TLE4: variants seen among roughly 807,000 people sequenced by gnomAD.
The protein encoded by TLE4 is transducin-like enhancer protein 4.
A neutral mutation model predicts 92.8 loss-of-function variants in TLE4; 8 were observed. The ratio of observed to expected loss-of-function variants is 0.09; its 90% confidence interval spans 0.05 to 0.16. The LOEUF (loss-of-function observed/expected upper bound fraction) is 0.16, where lower values mean the gene tolerates loss of function less well. TLE4 is among the 10% of genes least tolerant of loss of function. The pLI is 1.00. For missense variants in TLE4, 675 were observed against 997.6 expected (o/e 0.68, Z 4.36); for synonymous variants, 371 against 374.1 (o/e 0.99, Z 0.10).
At chr9:79,595,011 CA>C (rs2043604029) in intron 4 of TLE4, among the ~76,000 whole-genome samples, 1 of 152,138 alleles carries the variant, frequency 6.6e-6, no homozygotes, top group Admixed American at 6.5e-5. Context: ...TGCTGCAGCT[CA>C]ATCTCACATT....
At chr9:79,654,532 T>C (rs2059496900) in intron 8 of TLE4, among the ~76,000 whole-genome samples, 1 of 152,106 alleles carries the variant, frequency 6.6e-6, no homozygotes, top group Non-Finnish European at 1.5e-5. Flanking sequence ...TAATTTTCTC[T>C]TTTAAATTTA....
chr9:79,716,653 C>T (rs553044665), intron 14 of TLE4, among the ~76,000 whole-genome samples: 5 of 152,306 alleles, frequency 3.3e-5, no homozygotes, highest in African/African-American at 9.6e-5. Context: ...TTGCCATATT[C>T]CTAATCATCA....
chr9:79,605,844 T>TA (rs1461695253), intron 4 of TLE4, among the ~76,000 whole-genome samples: 2 of 152,098 alleles, frequency 1.3e-5, no homozygotes, highest in Non-Finnish European at 2.9e-5. Context: ...ATAGCATAAA[T>TA]ATGAGTTCAA....
chr9:79,578,259 C>G (rs1383879129), intron 4 of TLE4, among the ~76,000 whole-genome samples: 1 of 152,172 alleles, frequency 6.6e-6, no homozygotes, highest in African/African-American at 2.4e-5. Context: ...GCCTAGTTCT[C>G]AAGATCGGGT....
intron 8 of TLE4, among the ~76,000 whole-genome samples, chr9:79,682,518 C>A (rs2064937653): frequency 6.6e-6 from 1 of 152,104 alleles, no homozygotes; most frequent in East Asian, 1.9e-4. Context: ...CAGCTTTGAG[C>A]CTTCCTGCAT....
intron 4 of TLE4, among the ~76,000 whole-genome samples, chr9:79,606,431 G>A (rs1468147226): frequency 1.3e-5 from 2 of 149,208 alleles, no homozygotes; most frequent in Non-Finnish European, 3.0e-5. Context: ...ACAACGTGCA[G>A]GTTTGTTACA....
At chr9:79,604,728 G>C (rs983406795) in intron 4 of TLE4, among the ~76,000 whole-genome samples, 8 of 152,138 alleles carry the variant, frequency 5.3e-5, no homozygotes, top group Non-Finnish European at 1.0e-4. Flanking sequence ...CCTGAAGGTA[G>C]GCATCCTTGA....
intron 8 of TLE4, among the ~76,000 whole-genome samples, chr9:79,696,609 GA>G (rs35548150): frequency 6.6e-6 from 1 of 150,864 alleles, no homozygotes; most frequent in African/African-American, 2.4e-5. Context: ...ACACTCTTTG[GA>G]AAAAAAAGTT....
intron 6 of TLE4, among the ~76,000 whole-genome samples, chr9:79,630,813 G>A (rs1379080360): frequency 6.6e-6 from 1 of 152,072 alleles, no homozygotes; most frequent in African/African-American, 2.4e-5. Flanking sequence ...GCTTAATAAA[G>A]GAGGCTGACT....
chr9:79,649,913 T>A, intron 6 of TLE4: 1 of 1,327,798 alleles, frequency 7.5e-7, no homozygotes, highest in Non-Finnish European at 9.9e-7. Flanking sequence ...TTTTTTGTTT[T>A]TTGTTTTTTG....
Position 79,592,580 on chromosome 9 carries a change from G to A in TLE4, c.252+16403G>A, listed in dbSNP as rs567053867. On this transcript the variant is annotated intron_variant, in intron 4 of 19. Transcript: ENST00000376552. ...TCACAGGGGTGAGCCACTGTGCCCA[G>A]CCAGAGATAGTTTCTGTCATTTTGC... is the stretch of plus-strand genomic sequence containing the variant. Among the ~76,000 whole-genome samples, 59 of 152,166 alleles carry A rather than the reference G, an allele frequency of 3.9e-4. 1 individual carries two copies. The South Asian group carries it at 0.012, about 31-fold the overall frequency.
intron 8 of TLE4, among the ~76,000 whole-genome samples, chr9:79,680,352 C>T (rs1353090559): frequency 1.3e-5 from 2 of 152,078 alleles, no homozygotes; most frequent in African/African-American, 2.4e-5. Flanking sequence ...AAGTTGGATT[C>T]CTAGGTATTT....
At chr9:79,606,785 A>G (rs1215052296) in intron 4 of TLE4, among the ~76,000 whole-genome samples, 1 of 152,170 alleles carries the variant, frequency 6.6e-6, no homozygotes, top group African/African-American at 2.4e-5. Context: ...ATTGATGGAC[A>G]TTTGGATTGG....
chr9:79,722,336 A>G, intron 17 of TLE4, 115 bp from the exon 18 acceptor site: 1 of 1,298,898 alleles, frequency 7.7e-7, no homozygotes, highest in Admixed American at 2.7e-5. Context: ...GTACAATTCA[A>G]ATTATCTTGA....
At chr9:79,719,512 A>ACAC (rs1258887289) in intron 15 of TLE4, among the ~76,000 whole-genome samples, 1 of 152,098 alleles carries the variant, frequency 6.6e-6, no homozygotes, top group African/African-American at 2.4e-5. Flanking sequence ...CTGTAACTTA[A>ACAC]CACTCCATGA....
At chr9:79,664,166 T>C (rs944520714) in intron 8 of TLE4, among the ~76,000 whole-genome samples, 4 of 152,218 alleles carry the variant, frequency 2.6e-5, no homozygotes, top group African/African-American at 9.6e-5. Context: ...GATAGTGGAA[T>C]GGAAAGTGAA....
In TLE4 at chr9:79,591,544, A is replaced by G. The variant is rs537074278; in HGVS notation, c.252+15367A>G. Among the ~76,000 whole-genome samples the G allele has an allele frequency of 6.8e-4, 103 of 152,306 alleles. 1 individual carries two copies. The highest frequency in any genetic ancestry group is 2.0e-3 in the African/African-American group (85 of 41,558). ...GTCAAGGGACCATATCTGTTTTGCT[A>G]ATTTGTTCAGCAGCTAGCATGAGGC... On this transcript the variant is annotated intron_variant, in intron 4 of 19. Coordinates refer to ENST00000376552, the MANE Select transcript of TLE4 (RefSeq NM_007005.6).
chr9:79,588,372 T>C (rs967401787), intron 4 of TLE4, among the ~76,000 whole-genome samples: 6 of 152,002 alleles, frequency 3.9e-5, no homozygotes, highest in African/African-American at 1.5e-4. Context: ...ATGGGCTTGA[T>C]CTCTTGGCCT....
At chr9:79,578,395 C>T (rs1490383759) in intron 4 of TLE4, among the ~76,000 whole-genome samples, 2 of 152,254 alleles carry the variant, frequency 1.3e-5, no homozygotes, top group African/African-American at 2.4e-5. Flanking sequence ...TTTTGGTTAA[C>T]GTTCCTGTTC....
Sources: gnomAD v4.1 joint callset for allele counts (sites outside exome capture counted in the v4.1 genomes callset) on GRCh38, gnomAD v4.1.1 for gene constraint, MANE v1.5 for transcripts, NCBI Gene and HGNC (gene_info 2026-07-23, HGNC 2026-07-21) for gene names.